RASA3: variants seen among roughly 807,000 people sequenced by gnomAD.
RASA3 encodes RAS p21 protein activator 3.
Under a neutral mutation model 110.0 loss-of-function variants are expected in RASA3, and 73 were observed. The observed-to-expected ratio is 0.66, with a 90% CI of 0.55 to 0.81. The LOEUF (loss-of-function observed/expected upper bound fraction) is 0.81, where lower values mean the gene tolerates loss of function less well. Ranked by LOEUF, RASA3 falls within the 30% of genes least tolerant of loss-of-function variation. The pLI is 0.00. For missense variants in RASA3, 976 were observed against 1,113.2 expected (o/e 0.88, Z 1.75); for synonymous variants, 500 against 451.4 (o/e 1.11, Z -1.37).
Position 114,016,621 on chromosome 13 carries a change from G to A in RASA3, c.1207-350C>T, listed in dbSNP as rs184447535. ...CTCTCTCAGGGAGCGATGTGCGCCC[G>A]CGATCAGACGAATCGGGCTTTCTCA... On this transcript the variant is annotated intron_variant, in intron 12 of 23. Coordinates refer to ENST00000334062, the MANE Select transcript of RASA3 (RefSeq NM_007368.4). Among the ~76,000 whole-genome samples, 361 of 152,364 alleles carry A rather than the reference G, an allele frequency of 2.4e-3. 2 individuals are homozygous for A. Among genetic ancestry groups the A allele is most frequent in the South Asian group, 0.013 (63 of 4,826 alleles).
chr13:114,015,222 GGCC>G lies in RASA3; in HGVS notation c.1389_1391del (p.Ala464del). ...CAGGGCACTCACCCTGGAAGCGCTTGGCCGCCGCCTCCCGGAGGGAGAAGAAGA... is the reference window on the plus strand; with the variant it reads ...CAGGGCACTCACCCTGGAAGCGCTTGGCCGCCTCCCGGAGGGAGAAGAAGA... On this transcript the variant is annotated inframe_deletion, in exon 14 of 24. Transcript: ENST00000334062. 1 of 1,613,054 alleles carries G rather than the reference GGCC, an allele frequency of 6.2e-7. No homozygotes were observed. The highest frequency in any genetic ancestry group is 8.5e-7 in the Non-Finnish European group (1 of 1,179,982).
At chr13:114,117,700 G>C (rs1594474644) in intron 1 of RASA3, among the ~76,000 whole-genome samples, 1 of 141,848 alleles carries the variant, frequency 7.0e-6, no homozygotes, top group East Asian at 2.2e-4. Flanking sequence ...ATGTGTGTGA[G>C]GGGTGCACGT....
intron 22 of RASA3, among the ~76,000 whole-genome samples, chr13:113,982,353 C>G (rs1316655597): frequency 1.3e-5 from 2 of 152,360 alleles, no homozygotes; most frequent in South Asian, 2.1e-4. Context: ...CCAGCCAGGA[C>G]AGGCCTAGCC....
At chr13:113,983,212 C>T (rs1336766642) in intron 22 of RASA3, among the ~76,000 whole-genome samples, 2 of 129,658 alleles carry the variant, frequency 1.5e-5, no homozygotes, top group Non-Finnish European at 3.4e-5. Context: ...TCTAAGTAAC[C>T]CTGAACAGAA....
At chr13:113,979,910 TCC>T (rs1025703267) in intron 23 of RASA3, among the ~76,000 whole-genome samples, 18 of 150,590 alleles carry the variant, frequency 1.2e-4, no homozygotes, top group African/African-American at 4.4e-4. Flanking sequence ...GTGCACCTCC[TCC>T]TACGTGCCTA....
At chr13:113,996,863 G>A (rs2053269214) in intron 20 of RASA3, 124 bp from the exon 21 acceptor site, 2 of 827,446 alleles carry the variant, frequency 2.4e-6, no homozygotes, top group African/African-American at 1.7e-5. Flanking sequence ...GGGTGCACAG[G>A]CCCAAAAGTC....
chr13:114,002,293 G>A (rs1157713459), intron 18 of RASA3, among the ~76,000 whole-genome samples: 1 of 152,240 alleles, frequency 6.6e-6, no homozygotes, highest in Non-Finnish European at 1.5e-5. Context: ...ACGCACACCG[G>A]AGGGTGTGGA....
intron 7 of RASA3, among the ~76,000 whole-genome samples, chr13:114,025,750 G>A (rs1472370876): frequency 6.6e-6 from 1 of 152,262 alleles, no homozygotes; most frequent in South Asian, 2.1e-4. Context: ...TGTTATCCTG[G>A]AAGAAAATGG....
At chr13:114,028,179 G>A (rs1336940127) in intron 5 of RASA3, among the ~76,000 whole-genome samples, 5 of 149,906 alleles carry the variant, frequency 3.3e-5, no homozygotes, top group African/African-American at 1.2e-4. Context: ...GTGTGTGACA[G>A]CACATCTAAA....
intron 23 of RASA3, among the ~76,000 whole-genome samples, chr13:113,980,088 CCCA>C (rs979990211): frequency 6.9e-6 from 1 of 144,060 alleles, no homozygotes; most frequent in Non-Finnish European, 1.5e-5. Flanking sequence ...TGCACCACCT[CCCA>C]CGTGTGTGCA....
chr13:114,008,963 CGCGTTCCT>C (rs780249412), intron 17 of RASA3, among the ~76,000 whole-genome samples: 1,072 of 20,240 alleles, frequency 0.053, 169 homozygotes, highest in Middle Eastern at 0.19. Context: ...CCCCACGCAC[CGCGTTCCT>C]AACTGTGGGG....
chr13:114,009,674 G>T (rs1485750758), intron 16 of RASA3, among the ~76,000 whole-genome samples: 2 of 152,390 alleles, frequency 1.3e-5, no homozygotes, highest in Non-Finnish European at 1.5e-5. Context: ...CATCAGACCT[G>T]CCAGTGCCCG....
At chr13:113,984,428 T>C (rs1452921980) in intron 22 of RASA3, among the ~76,000 whole-genome samples, 5 of 39,022 alleles carry the variant, frequency 1.3e-4, no homozygotes, top group Admixed American at 5.5e-4. Context: ...GTCCATGAAC[T>C]CAACACTCAT....
At chr13:114,024,380 G>A (rs1039846095) in intron 7 of RASA3, 25 bp from the exon 8 acceptor site, 5 of 1,609,186 alleles carry the variant, frequency 3.1e-6, no homozygotes, top group East Asian at 2.2e-5. Context: ...GAGAGAAAGC[G>A]CTGAGACCGC....
intron 1 of RASA3, among the ~76,000 whole-genome samples, chr13:114,097,938 G>A (rs1200708038): frequency 5.9e-5 from 9 of 152,230 alleles, no homozygotes; most frequent in Non-Finnish European, 1.2e-4. Flanking sequence ...CCACCACAGG[G>A]GGTCCAGGGA....
At chr13:114,024,156 A>G (rs1437615252) in intron 8 of RASA3, 123 bp downstream of exon 8, 1 of 1,059,082 alleles carries the variant, frequency 9.4e-7, no homozygotes, top group Admixed American at 1.9e-5. Flanking sequence ...CTGTTGTGAA[A>G]ATTACCAAGA....
At chr13:113,995,368 A>C (rs1156856904) in intron 21 of RASA3, among the ~76,000 whole-genome samples, 1 of 152,256 alleles carries the variant, frequency 6.6e-6, no homozygotes, top group East Asian at 1.9e-4. Flanking sequence ...CTCTGTGTCC[A>C]CGAAGCAGGA....
In RASA3 at chr13:114,056,763, G is replaced by C. The variant is rs565478696; in HGVS notation, c.174-4608C>G. 6 of 787,726 alleles carry C rather than the reference G, an allele frequency of 7.6e-6. No individual in the cohort carries two copies. The East Asian group carries it at 3.8e-4, about 50-fold the overall frequency. The allele number at this position is 787,726 out of a possible 1,614,324, so 48.8% of individuals were successfully genotyped here. A position where few individuals can be genotyped will look rare whatever the true frequency, so the allele number is the denominator to read the frequency against. On this transcript the variant is annotated intron_variant, in intron 2 of 23. Coordinates refer to ENST00000334062, the MANE Select transcript of RASA3 (RefSeq NM_007368.4). This position sits in a 1 kb window ranked among gnomAD's most constrained non-coding sequence, Gnocchi z 5.7. ...AAGAGGAAGCTACAAGAAAACATACGAACTCCATAAAATTATCACCACAGA... is the reference window on the plus strand; with the variant it reads ...AAGAGGAAGCTACAAGAAAACATACCAACTCCATAAAATTATCACCACAGA...
Position 113,999,605 on chromosome 13 carries a change from C to A in RASA3, c.1912G>T (p.Glu638Ter). The A allele has an allele frequency of 3.1e-6, 5 of 1,613,248 alleles. No homozygotes were observed. Among genetic ancestry groups the A allele is most frequent in the East Asian group, 2.2e-5 (1 of 44,788 alleles). The change falls in exon 20 of 24, where the codon GAG (glutamate) becomes TAG (stop). Residue 638 changes from glutamate to a stop codon, truncating the protein, a stop_gained. Coordinates refer to ENST00000334062, the MANE Select transcript of RASA3 (RefSeq NM_007368.4). LOFTEE classifies it high-confidence loss of function. ...CTCACGTTTTTCATTTTGAAAGACT[C>A]CTCCTCCAGCTTCTCCACTGCCAGG... is the stretch of plus-strand genomic sequence containing the variant. ...NILAVEKLEEESFKMKNMFQV... is the reference protein window; with the variant it reads ...NILAVEKLEE
Sources: gnomAD v4.1 joint callset for allele counts (sites outside exome capture counted in the v4.1 genomes callset) on GRCh38, gnomAD v4.1.1 for gene constraint, Gnocchi (gnomAD v3.1) non-coding constraint, MANE v1.5 for transcripts, NCBI Gene and HGNC (gene_info 2026-07-23, HGNC 2026-07-21) for gene names.